The following TEAD1 variants were observed in gnomAD, a reference collection of about 807,000 sequenced individuals.
The protein encoded by TEAD1 is transcriptional enhancer factor TEF-1.
Under a neutral mutation model 54.9 loss-of-function variants are expected in TEAD1, and 9 were observed. The ratio of observed to expected loss-of-function variants is 0.16; its 90% CI spans 0.10 to 0.29. TEAD1 has a LOEUF of 0.29. Ranked by LOEUF, TEAD1 falls within the 10% of genes least tolerant of loss-of-function variation. The pLI is 1.00. For missense variants in TEAD1, 387 were observed against 535.9 expected, an observed-to-expected ratio of 0.72 and a Z score of 2.74; for synonymous variants, 200 against 187.8, an observed-to-expected ratio of 1.07 and a Z score of -0.53.
chr11:12,753,255 G>A (rs917804352), intron 2 of TEAD1, among the ~76,000 whole-genome samples: 2 of 152,110 alleles, frequency 1.3e-5, no homozygotes, highest in African/African-American at 2.4e-5. Context: ...GTGAACATAG[G>A]CATGCATTTC....
At chr11:12,740,530 G>T (rs774738902) in intron 2 of TEAD1, among the ~76,000 whole-genome samples, 5 of 152,110 alleles carry the variant, frequency 3.3e-5, no homozygotes, top group Non-Finnish European at 7.4e-5. Context: ...AAGAAAAGAG[G>T]TTTGTCTCAC....
At chr11:12,878,220 A>T (rs1306395359) in intron 5 of TEAD1, among the ~76,000 whole-genome samples, 1 of 152,158 alleles carries the variant, frequency 6.6e-6, no homozygotes, top group African/African-American at 2.4e-5. Context: ...ACACCCTGGG[A>T]ACACCTAGCA....
chr11:12,865,651 A>G (rs1422260809), intron 5 of TEAD1: 1 of 152,148 alleles, frequency 6.6e-6, no homozygotes, highest in Non-Finnish European at 1.5e-5. Flanking sequence ...GTCTCAAAAT[A>G]TATTTTATAG....
Position 12,924,943 on chromosome 11 carries a change from C to G in TEAD1, c.905C>G (p.Ala302Gly). 1 of 1,614,142 alleles carries G rather than the reference C, an allele frequency of 6.2e-7. No individual in the cohort carries two copies. The highest frequency in any genetic ancestry group is 8.5e-7 in the Non-Finnish European group (1 of 1,180,022). The stretch of plus-strand genomic sequence containing the variant: ...TTAAACTGCAATATTCAAGATGATG[C>G]TGGGGCTTTTTATGGTGTAACCAGT... Residue 302 changes from alanine (A) to glycine (G), a missense_variant, in exon 11 of 13, where the codon GCT becomes GGT. By Grantham distance (60) the Ala-to-Gly change is moderately conservative. Around this residue, in one of 5 missense-constraint regions of TEAD1, gnomAD observed 123 missense variants for 199.0 expected, o/e 0.62. Transcript: ENST00000527636.
intron 9 of TEAD1, among the ~76,000 whole-genome samples, chr11:12,894,266 G>T (rs1564980813): frequency 6.6e-6 from 1 of 152,246 alleles, no homozygotes; most frequent in East Asian, 1.9e-4. Flanking sequence ...TCTTCAGGTT[G>T]GACGGTGCAG....
At chr11:12,808,393 T>C (rs1946223219) in intron 3 of TEAD1, among the ~76,000 whole-genome samples, 1 of 152,172 alleles carries the variant, frequency 6.6e-6, no homozygotes, top group Non-Finnish European at 1.5e-5. Context: ...ACCACCATGA[T>C]GTAAGGGTCT....
intron 2 of TEAD1, among the ~76,000 whole-genome samples, chr11:12,750,529 C>T (rs557982810): frequency 6.6e-6 from 1 of 152,190 alleles, no homozygotes; most frequent in East Asian, 1.9e-4. Context: ...CTCTGTTCTT[C>T]ACCCTTTATC....
intron 2 of TEAD1, among the ~76,000 whole-genome samples, chr11:12,738,581 ATCACCTTGT>A (rs1374912407): frequency 1.3e-5 from 2 of 150,824 alleles, no homozygotes; most frequent in African/African-American, 4.9e-5. Flanking sequence ...GATTCTGCAA[ATCACCTTGT>A]CCACATATAG....
chr11:12,764,488 G>A, intron 3 of TEAD1, 54 bp downstream of exon 3: 1 of 1,587,040 alleles, frequency 6.3e-7, no homozygotes, highest in Non-Finnish European at 8.6e-7. Flanking sequence ...TTGTGGTAGG[G>A]GATAGATTGT....
At chr11:12,934,425 G>A (rs1344565753) in intron 12 of TEAD1, among the ~76,000 whole-genome samples, 2 of 152,034 alleles carry the variant, frequency 1.3e-5, no homozygotes, top group Non-Finnish European at 2.9e-5. Flanking sequence ...AGCATTAGGA[G>A]ATAATACCTA....
At chr11:12,823,144 A>G (rs1332343546) in intron 3 of TEAD1, among the ~76,000 whole-genome samples, 1 of 152,144 alleles carries the variant, frequency 6.6e-6, no homozygotes, top group African/African-American at 2.4e-5. Context: ...GTTCTCCTTC[A>G]CCTTGCTAAT....
At chr11:12,702,812 A>G (rs920770692) in intron 2 of TEAD1, among the ~76,000 whole-genome samples, 3 of 152,106 alleles carry the variant, frequency 2.0e-5, no homozygotes, top group Admixed American at 6.5e-5. Flanking sequence ...CATCACCATC[A>G]TTATCCGATA....
intron 3 of TEAD1, chr11:12,823,392 C>T (rs1946590317): frequency 6.6e-6 from 1 of 152,168 alleles, no homozygotes; most frequent in African/African-American, 2.4e-5. Flanking sequence ...CAACGTACCT[C>T]AGTGAGGTAC....
At chr11:12,901,664 G>A (rs1948428211) in intron 9 of TEAD1, among the ~76,000 whole-genome samples, 2 of 152,072 alleles carry the variant, frequency 1.3e-5, no homozygotes, top group South Asian at 4.2e-4. Flanking sequence ...TTGGTAGCTG[G>A]GTAACTTAAG....
At chr11:12,688,895 C>T (rs563284131) in intron 2 of TEAD1, among the ~76,000 whole-genome samples, 5 of 152,344 alleles carry the variant, frequency 3.3e-5, no homozygotes, top group Admixed American at 2.6e-4. Flanking sequence ...TCCCGAATAA[C>T]ATAGGCTGGT....
At chr11:12,745,289 C>T (rs369706236) in intron 2 of TEAD1, among the ~76,000 whole-genome samples, 8 of 152,190 alleles carry the variant, frequency 5.3e-5, no homozygotes, top group Non-Finnish European at 5.9e-5. Flanking sequence ...TGAACTGTGT[C>T]AATTCTGGCC....
At chr11:12,675,806 C>G (rs1943072897) in intron 2 of TEAD1, among the ~76,000 whole-genome samples, 1 of 152,146 alleles carries the variant, frequency 6.6e-6, no homozygotes, top group Admixed American at 6.5e-5. Flanking sequence ...CTCACACCTC[C>G]CCTCTCATGA....
At chr11:12,729,913 CT>C (rs1256820983) in intron 2 of TEAD1, among the ~76,000 whole-genome samples, 2 of 152,186 alleles carry the variant, frequency 1.3e-5, no homozygotes, top group African/African-American at 4.8e-5. Flanking sequence ...GCATGTGTTG[CT>C]TATTCCATCC....
At chr11:12,879,601 A>G (rs550597286) in intron 5 of TEAD1, 107 bp from the exon 6 acceptor site, 34 of 1,459,530 alleles carry the variant, frequency 2.3e-5, no homozygotes, top group Non-Finnish European at 3.0e-5. Context: ...TTTTTGGCCT[A>G]TTTTGTGGCT....
Sources: allele counts gnomAD v4.1 joint callset (sites outside exome capture counted in the v4.1 genomes callset), GRCh38; gene constraint gnomAD v4.1.1; regional missense constraint gnomAD v4.1.1; transcripts MANE v1.5; gene names NCBI Gene and HGNC (gene_info 2026-07-23, HGNC 2026-07-21).